CLNK: variants seen among roughly 807,000 people sequenced by gnomAD.
CLNK encodes cytokine-dependent hematopoietic cell linker.
In CLNK, 74 loss-of-function variants were observed where a neutral mutation model predicts 68.6. The observed-to-expected ratio is 1.08, with a 90% CI of 0.89 to 1.31. The LOEUF (loss-of-function observed/expected upper bound fraction) is 1.31, where lower values mean the gene tolerates loss of function less well. Ranked by LOEUF, CLNK falls within the 50% of genes most tolerant of loss-of-function variation. The pLI, the probability that CLNK is intolerant of heterozygous loss-of-function variation, is 0.00. For synonymous variants in CLNK, 198 were observed against 172.2 expected (o/e 1.15, Z -1.17); for missense variants, 553 against 515.3 (o/e 1.07, Z -0.71).
At chr4:10,587,946 T>C (rs1006751944) in intron 3 of CLNK, among the ~76,000 whole-genome samples, 14 of 152,216 alleles carry the variant, frequency 9.2e-5, no homozygotes, top group African/African-American at 3.4e-4. Flanking sequence ...CTGCAGAAAT[T>C]AGCAGTAAAT....
At chr4:10,674,554 A>C (rs1486631256) in intron 1 of CLNK, among the ~76,000 whole-genome samples, 1 of 152,170 alleles carries the variant, frequency 6.6e-6, no homozygotes, top group Non-Finnish European at 1.5e-5. Context: ...TTGGGGATCC[A>C]AAATGAACCC....
chr4:10,728,668 A>C, the CLNK span, among the ~76,000 whole-genome samples: 1 of 139,042 alleles, frequency 7.2e-6, no homozygotes, highest in East Asian at 2.1e-4. Context: ...CATTGGCGCC[A>C]TCTCCCACCT....
intron 4 of CLNK, among the ~76,000 whole-genome samples, chr4:10,584,374 TAGGG>T (rs1720896531): frequency 6.6e-6 from 1 of 152,226 alleles, no homozygotes; most frequent in Non-Finnish European, 1.5e-5. Context: ...ACCAGCTTTC[TAGGG>T]AAGTTCTGTG....
At chr4:10,605,711 TC>T (rs1166918719) in intron 2 of CLNK, among the ~76,000 whole-genome samples, 1 of 149,070 alleles carries the variant, frequency 6.7e-6, no homozygotes, top group African/African-American at 2.5e-5. Context: ...ACCTGTAGTC[TC>T]AGCTACTTGG....
At chr4:10,642,324 G>C (rs1303486335) in intron 2 of CLNK, among the ~76,000 whole-genome samples, 1 of 152,160 alleles carries the variant, frequency 6.6e-6, no homozygotes, top group Non-Finnish European at 1.5e-5. Context: ...CCCTCAGGGA[G>C]CTTCTGATTG....
the CLNK span, among the ~76,000 whole-genome samples, chr4:10,720,334 G>A: frequency 6.6e-6 from 1 of 151,980 alleles, no homozygotes; most frequent in African/African-American, 2.4e-5. Context: ...AAATTACCAT[G>A]ACTAGGAATG....
chr4:10,521,472 C>T (rs1718060864), intron 14 of CLNK, among the ~76,000 whole-genome samples: 1 of 152,194 alleles, frequency 6.6e-6, no homozygotes, highest in Non-Finnish European at 1.5e-5. Context: ...TGGTCAGTAT[C>T]ATCAACATAA....
chr4:10,694,046 G>C, the CLNK span, among the ~76,000 whole-genome samples: 1 of 152,040 alleles, frequency 6.6e-6, no homozygotes, highest in Admixed American at 6.6e-5. Flanking sequence ...TGGTGTACCA[G>C]CTTCTTCAGC....
Position 10,540,952 on chromosome 4 carries a change from C to T in CLNK, c.492-348G>A, listed in dbSNP as rs557111161. ...AAAAGTGGCCAGGCATGGTGGCTCA[C>T]GCCTGTAATCCCAGCACTTTGGGAG... is the stretch of plus-strand genomic sequence containing the variant. On this transcript the variant is annotated intron_variant, in intron 10 of 18. Coordinates refer to ENST00000226951, the MANE Select transcript of CLNK (RefSeq NM_052964.4). Among the ~76,000 whole-genome samples the T allele has an allele frequency of 1.8e-4, 28 of 152,206 alleles. No homozygotes were observed. In the South Asian group the frequency reaches 3.3e-3, roughly 18 times the overall value.
rs566388021 is a variant in CLNK, at chr4:10,587,871, C to T, written c.84-2916G>A. ...ATGGCAAGTCCTGCTTAGGAGGCAC[C>T]GTGCAGCTGCGACCTCAGAGCCCTT... On this transcript the variant is annotated intron_variant, in intron 3 of 18. Transcript: ENST00000226951. Among the ~76,000 whole-genome samples, 446 of 152,312 alleles carry T rather than the reference C, an allele frequency of 2.9e-3. 5 individuals are homozygous for T. Among genetic ancestry groups the T allele is most frequent in the African/African-American group, 9.5e-3 (397 of 41,572 alleles).
intron 2 of CLNK, among the ~76,000 whole-genome samples, chr4:10,629,818 G>A (rs2108867947): frequency 6.6e-6 from 1 of 152,266 alleles, no homozygotes; most frequent in African/African-American, 2.4e-5. Flanking sequence ...TAATCACTGG[G>A]AAATTCTTTT....
chr4:10,500,817 A>G (rs1717010064), intron 18 of CLNK, among the ~76,000 whole-genome samples: 1 of 152,232 alleles, frequency 6.6e-6, no homozygotes, highest in South Asian at 2.1e-4. Flanking sequence ...TGTACTGAGG[A>G]CAGGCATGCC....
chr4:10,660,124 C>T lies in CLNK; in HGVS notation c.11+7735G>A, dbSNP rs1406667530. 2.0e-5 allele frequency among the ~76,000 whole-genome samples: 3 copies of T among 152,202 alleles called. No homozygotes were observed. In the East Asian group the frequency reaches 5.8e-4, roughly 29 times the overall value. ...AAACTATCATCATGGATCAGGTTCT[C>T]CAAACACTGGTTTAGTTCACAATAT... is the stretch of plus-strand genomic sequence containing the variant. On this transcript the variant is annotated intron_variant, in intron 2 of 18. Coordinates refer to ENST00000226951, the MANE Select transcript of CLNK (RefSeq NM_052964.4).
At chr4:10,497,694 A>G (rs1716868241) in intron 18 of CLNK, among the ~76,000 whole-genome samples, 1 of 152,230 alleles carries the variant, frequency 6.6e-6, no homozygotes. Context: ...GTTGGAAAAA[A>G]AGCAGTAACT....
At chr4:10,646,132 C>A (rs543293385) in intron 2 of CLNK, among the ~76,000 whole-genome samples, 3 of 152,126 alleles carry the variant, frequency 2.0e-5, no homozygotes, top group African/African-American at 4.8e-5. Flanking sequence ...ATTTAAATTT[C>A]AATTTGAGTG....
intron 2 of CLNK, among the ~76,000 whole-genome samples, chr4:10,632,264 C>CA (rs1300897064): frequency 2.6e-5 from 4 of 152,178 alleles, no homozygotes; most frequent in African/African-American, 9.7e-5. Flanking sequence ...ATTTTCCCTC[C>CA]AAACTATCTT....
At position 10,501,303 on chromosome 4, in the gene CLNK, C is replaced by A; in HGVS notation, c.1093G>T (p.Glu365Ter). 6.2e-7 allele frequency: 1 copy of A among 1,606,574 alleles called. No individual in the cohort carries two copies. The highest frequency in any genetic ancestry group is 8.5e-7 in the Non-Finnish European group (1 of 1,177,494). Residue 365 changes from glutamate (E) to a stop codon, truncating the protein, a stop_gained, in exon 18 of 19, where the codon GAG becomes TAG. Transcript: ENST00000226951. LOFTEE classifies it high-confidence loss of function. ...KVYNVKIRFL[E>*]RNQQFALGTG... ...CCCAGGGCAAACTGCTGATTCCTCTCCAGGAAGCGTATTTTTACATTGTAG... is the reference window on the plus strand; with the variant it reads ...CCCAGGGCAAACTGCTGATTCCTCTACAGGAAGCGTATTTTTACATTGTAG...
At position 10,487,414 on chromosome 4, in the gene CLNK, A is replaced by G. The variant is rs1002046478; in HGVS notation, c.*3053T>C. 1.3e-5 allele frequency: 2 copies of G among 152,202 alleles called. No homozygotes were observed. The highest frequency in any genetic ancestry group is 2.9e-5 in the Non-Finnish European group (2 of 68,034). 9.4% of individuals were successfully genotyped at this position (152,202 alleles called of 1,614,324 possible). On this transcript the variant is annotated 3_prime_UTR_variant, in exon 19 of 19. Transcript: ENST00000226951. The stretch of plus-strand genomic sequence containing the variant: ...AAGAAACAAATACAATCGAATTTAT[A>G]TACTCTTATTATTTAATCATCCATT...
chr4:10,634,554 C>A (rs906850336), intron 2 of CLNK, among the ~76,000 whole-genome samples: 1 of 152,226 alleles, frequency 6.6e-6, no homozygotes, highest in African/African-American at 2.4e-5. Flanking sequence ...ATTCTGCCTA[C>A]TGGGCTTACA....
Sources: allele counts gnomAD v4.1 joint callset (sites outside exome capture counted in the v4.1 genomes callset), GRCh38; gene constraint gnomAD v4.1.1; transcripts MANE v1.5; gene names NCBI Gene and HGNC (gene_info 2026-07-23, HGNC 2026-07-21).